Variants in GCNT4 observed in about 807,000 individuals in gnomAD.
GCNT4 encodes the protein beta-1,3-galactosyl-O-glycosyl-glycoprotein beta-1,6-N-acetylglucosaminyltransferase 4.
GCNT4 carries 17 observed loss-of-function variants against 31.3 expected under a neutral mutation model. The ratio of observed to expected loss-of-function variants is 0.54; its 90% confidence interval spans 0.37 to 0.81. The LOEUF (loss-of-function observed/expected upper bound fraction) is 0.81, where lower values mean the gene tolerates loss of function less well. Ranked by LOEUF, GCNT4 falls within the 40% of genes least tolerant of loss-of-function variation. The pLI is 0.00. For synonymous variants in GCNT4, 158 were observed against 190.6 expected, an observed-to-expected ratio of 0.83 and a Z score of 1.41; for missense variants, 503 against 525.5, an observed-to-expected ratio of 0.96 and a Z score of 0.42.
chr5:75,050,288 T>C (rs1355647515), intron 2 of GCNT4, among the ~76,000 whole-genome samples: 1 of 152,226 alleles, frequency 6.6e-6, no homozygotes, highest in Non-Finnish European at 1.5e-5. Flanking sequence ...GTTGACAGTT[T>C]ACATTACATG....
At chr5:75,032,872 GGTGTGTGTGTGTGTGTGTGTGTGTGT>G (rs60551634) in intron 3 of GCNT4, among the ~76,000 whole-genome samples, 32 of 130,760 alleles carry the variant, frequency 2.4e-4, no homozygotes, top group Non-Finnish European at 2.9e-4. Context: ...CCCAAATAGG[GGTGTGTGTGTGTGTGTGTGTGTGTGT>G]GTGTGTGTGT....
intron 3 of GCNT4, among the ~76,000 whole-genome samples, chr5:75,041,629 T>C (rs1743321665): frequency 6.6e-6 from 1 of 152,192 alleles, no homozygotes; most frequent in African/African-American, 2.4e-5. Context: ...CATCAGGATG[T>C]ACATACCCAC....
chr5:75,032,123 C>T, intron 3 of GCNT4, among the ~76,000 whole-genome samples: 1 of 152,130 alleles, frequency 6.6e-6, no homozygotes, highest in Admixed American at 6.5e-5. Flanking sequence ...ACACCTTCAC[C>T]ACCATCAACT....
In GCNT4 at chr5:75,048,045, G is replaced by C. The variant is rs1427832243; in HGVS notation, c.-142-8C>G. 1.3e-5 allele frequency: 2 copies of C among 152,184 alleles called. No homozygotes were observed. The highest frequency in any genetic ancestry group is 2.9e-5 in the Non-Finnish European group (2 of 68,046). The allele number at this position is 152,184 out of a possible 1,614,324, so 9.4% of individuals were successfully genotyped here. A position where few individuals can be genotyped will look rare whatever the true frequency, so the allele number is the denominator to read the frequency against. On this transcript the variant is annotated splice_polypyrimidine_tract_variant and splice_region_variant and intron_variant, in intron 2 of 3. Transcript: ENST00000652361. ...AGTTCTAGAACATGGGCCCTATAAA[G>C]AGAAACCATGTGCAGGAGGACTTTA...
At position 75,026,666 on chromosome 5, in the gene GCNT4, A is replaced by AC. The variant is rs1742951740; in HGVS notation, c.*2009_*2010insG. ...TTCTCACAAAAAAAAAAAAAAAAAA[A>AC]AAAAAACACTTGTGTGGAAGCAAGG... On this transcript the variant is annotated 3_prime_UTR_variant, in exon 4 of 4. Coordinates refer to ENST00000652361, the MANE Select transcript of GCNT4 (RefSeq NM_001366737.1). The AC allele has an allele frequency of 6.6e-6, 1 of 151,368 alleles. No individual in the cohort carries two copies. The highest frequency in any genetic ancestry group is 2.1e-4 in the South Asian group (1 of 4,784). The allele number at this position is 151,368 out of a possible 1,614,324, so 9.4% of individuals were successfully genotyped here.
At chr5:75,049,794 C>T (rs1743527916) in intron 2 of GCNT4, among the ~76,000 whole-genome samples, 1 of 152,190 alleles carries the variant, frequency 6.6e-6, no homozygotes, top group Non-Finnish European at 1.5e-5. Context: ...CCTTGTGAGT[C>T]AGGCAAATCG....
chr5:75,024,460 G>C (rs1310158935), downstream of GCNT4, among the ~76,000 whole-genome samples: 1 of 152,130 alleles, frequency 6.6e-6, no homozygotes, highest in African/African-American at 2.4e-5. Flanking sequence ...CTACATACTG[G>C]GTAGGCTGGT....
At chr5:75,035,395 A>T (rs1428558223) in intron 3 of GCNT4, among the ~76,000 whole-genome samples, 1 of 152,256 alleles carries the variant, frequency 6.6e-6, no homozygotes, top group Non-Finnish European at 1.5e-5. Context: ...TTAGGGACCA[A>T]GAATGCCTGA....
In GCNT4 at chr5:75,029,794, A is replaced by G. The variant is rs746283414; in HGVS notation, c.244T>C (p.Leu82=). 6.2e-7 allele frequency: 1 copy of G among 1,614,086 alleles called. No homozygotes were observed. Among genetic ancestry groups the G allele is most frequent in the African/African-American group, 1.3e-5 (1 of 75,022 alleles). The change falls in exon 4 of 4, where the codon TTG becomes CTG. Residue 82 remains leucine (L), a synonymous_variant. Transcript: ENST00000652361. Reference sequence around the variant, plus strand: ...ATTTCCAGACTCTTTCCAATTTCCAAAGGCTCCTGTTCATAGATACCCGAA... The same window carrying G: ...ATTTCCAGACTCTTTCCAATTTCCAGAGGCTCCTGTTCATAGATACCCGAA... ...NCSGIYEQEP[L]EIGKSLEIRR... is the part of the protein sequence containing the mutation.
chr5:75,021,684 C>A (rs1742882516), downstream of GCNT4, among the ~76,000 whole-genome samples: 2 of 152,220 alleles, frequency 1.3e-5, no homozygotes, highest in Admixed American at 1.3e-4. Context: ...AGGCTTGTTG[C>A]AAAACAGAAT....
chr5:75,052,975 C>G (rs1477525905), upstream of GCNT4: 1 of 152,138 alleles, frequency 6.6e-6, no homozygotes, highest in Admixed American at 6.5e-5. Context: ...CGCTTCTTGG[C>G]ACTTGGGGAG....
At chr5:75,038,540 G>A (rs1179662983) in intron 3 of GCNT4, among the ~76,000 whole-genome samples, 1 of 152,216 alleles carries the variant, frequency 6.6e-6, no homozygotes, top group Non-Finnish European at 1.5e-5. Context: ...TGCAGTTCTA[G>A]AAGCTGGGAA....
chr5:75,018,501 C>T, the GCNT4 span, among the ~76,000 whole-genome samples: 616 of 152,194 alleles, frequency 4.0e-3, 5 homozygotes, highest in Non-Finnish European at 6.8e-3. Context: ...AGGCTGGTCT[C>T]AAACTCCTGA....
chr5:75,021,090 A>T (rs763587542), downstream of GCNT4, among the ~76,000 whole-genome samples: 13 of 152,244 alleles, frequency 8.5e-5, no homozygotes, highest in Non-Finnish European at 1.8e-4. Flanking sequence ...TGGGCTGTGT[A>T]AATGAACCTA....
intron 3 of GCNT4, among the ~76,000 whole-genome samples, chr5:75,040,927 T>C (rs1187263112): frequency 1.5e-5 from 2 of 136,822 alleles, no homozygotes; most frequent in African/African-American, 6.5e-5. Flanking sequence ...CAGGAAGAAA[T>C]GTAGTTAATC....
chr5:75,050,258 A>T (rs1470512864), intron 2 of GCNT4, among the ~76,000 whole-genome samples: 2 of 152,206 alleles, frequency 1.3e-5, no homozygotes, highest in Non-Finnish European at 2.9e-5. Context: ...ACGTGCTTTA[A>T]AACACTGTTT....
intron 2 of GCNT4, among the ~76,000 whole-genome samples, chr5:75,050,944 T>A (rs1743555495): frequency 1.3e-5 from 2 of 152,178 alleles, no homozygotes; most frequent in South Asian, 4.1e-4. Flanking sequence ...AATCCATATC[T>A]CATCTGCGTA....
rs1302057083 is a variant in GCNT4, at chr5:75,027,211, C to T, written c.*1465G>A. 1.4e-5 allele frequency: 2 copies of T among 146,472 alleles called. No homozygotes were observed. Among genetic ancestry groups the T allele is most frequent in the Non-Finnish European group, 3.0e-5 (2 of 67,188 alleles). 9.1% of individuals were successfully genotyped at this position (146,472 alleles called of 1,614,324 possible). ...AAATGTTATTGCCTATTCTCAGAAC[C>T]CCATTCCTACCCCATTTTACTTCCA... is the stretch of plus-strand genomic sequence containing the variant. On this transcript the variant is annotated 3_prime_UTR_variant, in exon 4 of 4. Transcript: ENST00000652361.
At chr5:75,022,950 C>T (rs1580232774), downstream of GCNT4, among the ~76,000 whole-genome samples, 1 of 152,196 alleles carries the variant, frequency 6.6e-6, no homozygotes, top group Non-Finnish European at 1.5e-5. Flanking sequence ...ACCTTCCAAG[C>T]GCACTCTCAG....
Sources: allele counts gnomAD v4.1 joint callset (sites outside exome capture counted in the v4.1 genomes callset), GRCh38; gene constraint gnomAD v4.1.1; transcripts MANE v1.5; gene names NCBI Gene and HGNC (gene_info 2026-07-23, HGNC 2026-07-21).